RBPMS: variants seen among roughly 807,000 people sequenced by gnomAD.
RBPMS encodes RNA binding protein, mRNA processing factor.
RBPMS carries 7 observed loss-of-function variants against 26.8 expected under a neutral mutation model. The ratio of observed to expected loss-of-function variants is 0.26; its 90% CI spans 0.15 to 0.49. The LOEUF is 0.49. Among genes scored for constraint, RBPMS ranks in the 20% least tolerant of loss-of-function variants. The pLI, the probability that RBPMS is intolerant of heterozygous loss-of-function variation, is 0.98. For synonymous variants in RBPMS, 96 were observed against 93.3 expected (o/e 1.03, Z -0.17); for missense variants, 186 against 250.0 (o/e 0.74, Z 1.73).
At chr8:30,480,249 T>C (rs940043998) in intron 4 of RBPMS, among the ~76,000 whole-genome samples, 1 of 152,154 alleles carries the variant, frequency 6.6e-6, no homozygotes, top group African/African-American at 2.4e-5. Context: ...CTGGTTGTAA[T>C]ACAGGTACCA....
At chr8:30,513,939 C>G (rs889303718) in intron 5 of RBPMS, among the ~76,000 whole-genome samples, 43 of 152,164 alleles carry the variant, frequency 2.8e-4, no homozygotes, top group Non-Finnish European at 2.4e-4. Context: ...CCACGCACCC[C>G]TGGTTGGTCT....
At chr8:30,506,080 GCC>G (rs1585694269) in intron 5 of RBPMS, among the ~76,000 whole-genome samples, 1 of 152,178 alleles carries the variant, frequency 6.6e-6, no homozygotes, top group East Asian at 1.9e-4. Context: ...TCCTACAACA[GCC>G]CTGTGAAATA....
rs1554543821 is a variant in RBPMS at position 30,549,772 on chromosome 8, T to TCTCTC, written c.528+5148_528+5149insCTCTC. On this transcript the variant is annotated intron_variant, in intron 6 of 8. Coordinates refer to ENST00000397323, the MANE Select transcript of RBPMS (RefSeq NM_001008710.3). ...TTTCCTTTTCTTTTCTTTTCTTTTC[T>TCTCTC]TCTCTCTCTCTCTCTCTCTCTCTCC... Among the ~76,000 whole-genome samples the TCTCTC allele has an allele frequency of 1.4e-3, 98 of 71,178 alleles. 1 individual carries two copies. Among genetic ancestry groups the TCTCTC allele is most frequent in the Non-Finnish European group, 1.9e-3 (73 of 39,412 alleles). 46.7% of individuals were successfully genotyped at this position (71,178 alleles called of 152,430 possible).
At chr8:30,466,958 G>C (rs1286415767) in intron 1 of RBPMS, among the ~76,000 whole-genome samples, 1 of 152,162 alleles carries the variant, frequency 6.6e-6, no homozygotes, top group Non-Finnish European at 1.5e-5. Context: ...GTGACCTCCT[G>C]AACCAAAACT....
At chr8:30,568,898 G>A (rs1279352932) in intron 8 of RBPMS, among the ~76,000 whole-genome samples, 1 of 151,974 alleles carries the variant, frequency 6.6e-6, no homozygotes, top group Non-Finnish European at 1.5e-5. Flanking sequence ...TCCCATGCAA[G>A]GATCCCATTT....
intron 1 of RBPMS, among the ~76,000 whole-genome samples, chr8:30,426,626 T>A (rs1387675926): frequency 6.6e-6 from 1 of 151,860 alleles, no homozygotes; most frequent in Non-Finnish European, 1.5e-5. Context: ...TTTCTAAAAG[T>A]CAAGGGAGCG....
chr8:30,519,370 G>C (rs1822754711), intron 5 of RBPMS, among the ~76,000 whole-genome samples: 1 of 151,074 alleles, frequency 6.6e-6, no homozygotes, highest in Non-Finnish European at 1.5e-5. Context: ...CAATTGAATT[G>C]GTCAGTCCAT....
chr8:30,537,674 A>G (rs1258806782), intron 5 of RBPMS: 1 of 455,794 alleles, frequency 2.2e-6, no homozygotes, highest in Non-Finnish European at 4.4e-6. Context: ...GCTCTGTGAG[A>G]GTCGTTGGGC....
intron 4 of RBPMS, among the ~76,000 whole-genome samples, chr8:30,496,697 A>C (rs1226305795): frequency 6.6e-6 from 1 of 152,176 alleles, no homozygotes; most frequent in Non-Finnish European, 1.5e-5. Context: ...AAAATGTTTG[A>C]GTGTCACAAG....
chr8:30,544,731 C>T, intron 6 of RBPMS, 107 bp downstream of exon 6: 1 of 1,601,670 alleles, frequency 6.2e-7, no homozygotes, highest in Non-Finnish European at 8.5e-7. Context: ...GCTAACAGAT[C>T]CACCCTCAAG....
chr8:30,456,872 G>A (rs1740954678), intron 1 of RBPMS, among the ~76,000 whole-genome samples: 1 of 152,226 alleles, frequency 6.6e-6, no homozygotes, highest in Admixed American at 6.5e-5. Context: ...AGTGAGCCGA[G>A]ATCACGCCAC....
chr8:30,428,257 G>A (rs972965606), intron 1 of RBPMS, among the ~76,000 whole-genome samples: 3 of 151,730 alleles, frequency 2.0e-5, no homozygotes, highest in South Asian at 4.2e-4. Flanking sequence ...TCTTGACCTC[G>A]TAATCCGCCT....
At chr8:30,454,258 A>G (rs1563333983) in intron 1 of RBPMS, among the ~76,000 whole-genome samples, 1 of 152,250 alleles carries the variant, frequency 6.6e-6, no homozygotes, top group African/African-American at 2.4e-5. Flanking sequence ...ATTAACGAGT[A>G]TTAACTTAGT....
intron 6 of RBPMS, among the ~76,000 whole-genome samples, chr8:30,557,751 C>T (rs1360896050): frequency 2.0e-5 from 3 of 152,238 alleles, no homozygotes; most frequent in Non-Finnish European, 4.4e-5. Context: ...GACCATGCCG[C>T]CTCCATGTGA....
intron 4 of RBPMS, among the ~76,000 whole-genome samples, chr8:30,495,482 A>G (rs1317752965): frequency 6.6e-6 from 1 of 152,156 alleles, no homozygotes; most frequent in African/African-American, 2.4e-5. Flanking sequence ...TCTTTCTCCA[A>G]GTGCAGTATA....
intron 1 of RBPMS, among the ~76,000 whole-genome samples, chr8:30,470,699 T>C (rs1816994940): frequency 1.3e-5 from 2 of 152,110 alleles, no homozygotes; most frequent in Non-Finnish European, 2.9e-5. Flanking sequence ...GTGGACTTCA[T>C]GAGATTCTAG....
intron 5 of RBPMS, among the ~76,000 whole-genome samples, chr8:30,539,082 G>C (rs747857157): frequency 6.6e-6 from 1 of 152,038 alleles, no homozygotes; most frequent in Non-Finnish European, 1.5e-5. Flanking sequence ...TATGTGAGTG[G>C]GAGTTGATTG....
intron 6 of RBPMS, chr8:30,556,402 C>A: frequency 1.0e-6 from 1 of 985,858 alleles, no homozygotes; most frequent in Non-Finnish European, 1.2e-6. Flanking sequence ...GGGCTGTGTG[C>A]GAGAGCTGGT....
intron 1 of RBPMS, among the ~76,000 whole-genome samples, chr8:30,392,801 T>C (rs1473773588): frequency 6.6e-6 from 1 of 152,032 alleles, no homozygotes; most frequent in Non-Finnish European, 1.5e-5. Context: ...TTTGTAGGAA[T>C]AGAAAATAGA....
Sources: allele counts gnomAD v4.1 joint callset (sites outside exome capture counted in the v4.1 genomes callset), GRCh38; gene constraint gnomAD v4.1.1; transcripts MANE v1.5; gene names NCBI Gene and HGNC (gene_info 2026-07-23, HGNC 2026-07-21).